Variants in PDE4B observed in about 807,000 individuals in gnomAD.
The protein encoded by PDE4B is 3',5'-cyclic-AMP phosphodiesterase 4B.
PDE4B carries 20 observed loss-of-function variants against 82.2 expected under a neutral mutation model. The ratio of observed to expected loss-of-function variants is 0.24; its 90% confidence interval spans 0.17 to 0.35. The LOEUF (loss-of-function observed/expected upper bound fraction) is 0.35, where lower values mean the gene tolerates loss of function less well. Among genes scored for constraint, PDE4B ranks in the 10% least tolerant of loss-of-function variants. The pLI is 1.00. For synonymous variants in PDE4B, 320 were observed against 318.9 expected (o/e 1.00, Z -0.04); for missense variants, 655 against 907.2 (o/e 0.72, Z 3.57).
intron 1 of PDE4B, among the ~76,000 whole-genome samples, chr1:65,899,454 A>T (rs528106441): frequency 1.1e-4 from 16 of 152,120 alleles, no homozygotes; most frequent in African/African-American, 3.9e-4. Flanking sequence ...TATTTGCTCC[A>T]GCAATCCCAC....
rs1645340858 is a variant in PDE4B at position 66,105,871 on chromosome 1, C to A, written c.282-141589C>A. Among the ~76,000 whole-genome samples the A allele has an allele frequency of 4.6e-5, 7 of 152,004 alleles. No individual in the cohort carries two copies. The South Asian group carries it at 1.5e-3, about 32-fold the overall frequency. On this transcript the variant is annotated intron_variant, in intron 3 of 16. Coordinates refer to ENST00000341517, the MANE Select transcript of PDE4B (RefSeq NM_002600.4). ...CAATGGGGTTTTCTAGATATAGAAT[C>A]ATGTCATCTGCAAACAGGTACAATT...
At chr1:65,998,610 A>T (rs1266284722) in intron 3 of PDE4B, among the ~76,000 whole-genome samples, 4 of 152,144 alleles carry the variant, frequency 2.6e-5, no homozygotes, top group Non-Finnish European at 5.9e-5. Flanking sequence ...AAAACTATGC[A>T]TATGACATGT....
chr1:65,873,732 T>A (rs190426967), intron 1 of PDE4B, among the ~76,000 whole-genome samples: 8 of 152,332 alleles, frequency 5.3e-5, no homozygotes, highest in African/African-American at 1.7e-4. Context: ...AAGACCAACA[T>A]TTTATGAAAA....
intron 1 of PDE4B, among the ~76,000 whole-genome samples, chr1:65,885,269 T>C (rs28788265): frequency 0.18 from 27,625 of 152,110 alleles, 2,944 homozygotes; most frequent in South Asian, 0.38. Context: ...GGTGGGACTG[T>C]AAACTAGCTC....
chr1:66,090,727 A>C (rs1305554201), intron 3 of PDE4B, among the ~76,000 whole-genome samples: 1 of 137,700 alleles, frequency 7.3e-6, no homozygotes, highest in East Asian at 2.1e-4. Flanking sequence ...GTATATGTAT[A>C]TGTATGTATA....
At chr1:66,338,285 A>C (rs1052118386) in intron 8 of PDE4B, among the ~76,000 whole-genome samples, 2 of 152,242 alleles carry the variant, frequency 1.3e-5, no homozygotes, top group African/African-American at 4.8e-5. Flanking sequence ...GAGGCATATA[A>C]AGAAAGAAAA....
At chr1:66,221,676 C>T (rs949891618) in intron 3 of PDE4B, among the ~76,000 whole-genome samples, 1 of 152,098 alleles carries the variant, frequency 6.6e-6, no homozygotes, top group South Asian at 2.1e-4. Flanking sequence ...TCTTTGCTTT[C>T]TTTCCTATTC....
At chr1:66,284,290 C>G (rs576322576) in intron 7 of PDE4B, among the ~76,000 whole-genome samples, 1 of 152,068 alleles carries the variant, frequency 6.6e-6, no homozygotes, top group Non-Finnish European at 1.5e-5. Context: ...ATTCATTATA[C>G]GCCAAGTGTT....
chr1:66,263,574 A>G (rs1654835665), intron 6 of PDE4B, among the ~76,000 whole-genome samples: 1 of 152,184 alleles, frequency 6.6e-6, no homozygotes, highest in Admixed American at 6.5e-5. Context: ...CCTGAAGAGT[A>G]TGTAAGCAAA....
intron 3 of PDE4B, among the ~76,000 whole-genome samples, chr1:66,134,576 G>A (rs1360544812): frequency 6.6e-6 from 1 of 152,116 alleles, no homozygotes; most frequent in African/African-American, 2.4e-5. Context: ...GGGAAGCATA[G>A]GTACACGTTC....
At chr1:65,878,640 C>G (rs1322758341) in intron 1 of PDE4B, among the ~76,000 whole-genome samples, 2 of 152,060 alleles carry the variant, frequency 1.3e-5, no homozygotes, top group African/African-American at 4.8e-5. Context: ...AACAGAAAAC[C>G]AAACACTGCA....
At chr1:66,276,288 A>G (rs771597129) in intron 7 of PDE4B, among the ~76,000 whole-genome samples, 7 of 152,244 alleles carry the variant, frequency 4.6e-5, no homozygotes, top group Non-Finnish European at 8.8e-5. Context: ...ATATTTGGAA[A>G]AAGAAGATTC....
intron 3 of PDE4B, among the ~76,000 whole-genome samples, chr1:66,096,524 A>ATG (rs1557557950): frequency 1.4e-5 from 2 of 139,686 alleles, no homozygotes; most frequent in African/African-American, 5.4e-5. Flanking sequence ...ATATATATAT[A>ATG]TATATATATA....
At chr1:66,316,847 T>C (rs1001679673) in intron 7 of PDE4B, among the ~76,000 whole-genome samples, 13 of 152,136 alleles carry the variant, frequency 8.5e-5, no homozygotes, top group African/African-American at 3.1e-4. Flanking sequence ...ATAGCTGAAA[T>C]ACAAAATTTT....
intron 1 of PDE4B, among the ~76,000 whole-genome samples, chr1:65,832,904 T>A (rs1646098911): frequency 6.6e-6 from 1 of 152,194 alleles, no homozygotes. Context: ...ATAATAGTCA[T>A]TAGTGTTGCT....
intron 3 of PDE4B, among the ~76,000 whole-genome samples, chr1:66,009,935 A>G (rs1255638746): frequency 1.4e-5 from 2 of 147,270 alleles, no homozygotes; most frequent in Non-Finnish European, 2.9e-5. Context: ...CTATCTATCT[A>G]TCTATCTATC....
In PDE4B at chr1:65,887,414, G is replaced by GTTTTTTTTTTTTTT. The variant is rs34263724; in HGVS notation, c.-70-25820_-70-25807dup. 3.1e-3 allele frequency among the ~76,000 whole-genome samples: 24 copies of GTTTTTTTTTTTTTT among 7,732 alleles called. 7 individuals carry two copies. The highest frequency in any genetic ancestry group is 5.4e-3 in the East Asian group (2 of 370). 5.1% of individuals were successfully genotyped at this position (7,732 alleles called of 152,430 possible). On this transcript the variant is annotated intron_variant, in intron 1 of 16. Transcript: ENST00000341517. ...TTTTCTTTCTTTTTCTTTTTCTTCTGTTTTTTTTTTTTTTTTTTTTTTTTA... is the reference window on the plus strand; with the variant it reads ...TTTTCTTTCTTTTTCTTTTTCTTCTGTTTTTTTTTTTTTTTTTTTTTTTTTTTTTTTTTTTTTTA...
At chr1:66,270,819 A>T (rs1655423131) in intron 7 of PDE4B, among the ~76,000 whole-genome samples, 2 of 152,390 alleles carry the variant, frequency 1.3e-5, no homozygotes, top group Admixed American at 1.3e-4. Flanking sequence ...AAAGAATGGA[A>T]AAAGAAAAAG....
chr1:66,117,461 G>T (rs567027279), intron 3 of PDE4B, among the ~76,000 whole-genome samples: 7 of 152,246 alleles, frequency 4.6e-5, no homozygotes, highest in African/African-American at 1.7e-4. Flanking sequence ...AAATTATCTG[G>T]GAAGGTAACT....
Sources: gnomAD v4.1 joint callset for allele counts (sites outside exome capture counted in the v4.1 genomes callset) on GRCh38, gnomAD v4.1.1 for gene constraint, MANE v1.5 for transcripts, NCBI Gene and HGNC (gene_info 2026-07-23, HGNC 2026-07-21) for gene names.